The following AXL variants were observed in gnomAD, a reference collection of about 807,000 sequenced individuals.
AXL encodes AXL receptor tyrosine kinase, also known as tyrosine-protein kinase receptor UFO.
AXL carries 52 observed loss-of-function variants against 104.5 expected under a neutral mutation model. The observed-to-expected ratio is 0.50, with a 90% CI of 0.40 to 0.63. The LOEUF is 0.63. Among genes scored for constraint, AXL ranks in the 20% least tolerant of loss-of-function variants. The pLI is 0.00. For missense variants in AXL, 1,024 were observed against 1,188.5 expected (o/e 0.86, Z 2.04); for synonymous variants, 455 against 473.7 (o/e 0.96, Z 0.51).
At chr19:41,231,944 AAC>A (rs377712779) in intron 6 of AXL, among the ~76,000 whole-genome samples, 3,725 of 131,634 alleles carry the variant, frequency 0.028, 175 homozygotes, top group African/African-American at 0.11. Flanking sequence ...AAAAAGAAAC[AAC>A]AACAAAAAAA....
chr19:41,242,771 A>G, intron 10 of AXL, 112 bp from the exon 11 acceptor site: 1 of 1,324,902 alleles, frequency 7.5e-7, no homozygotes, highest in Admixed American at 1.8e-5. Flanking sequence ...CTCATCAAGT[A>G]TGTGCACATC....
chr19:41,230,949 C>T lies in AXL; in HGVS notation c.587-18C>T, dbSNP rs372829908. 4.3e-6 allele frequency: 7 copies of T among 1,612,654 alleles called. No homozygotes were observed. The African/African-American group carries it at 6.7e-5, about 15-fold the overall frequency. On this transcript the variant is annotated intron_variant, in intron 4 of 19. Transcript: ENST00000301178. ...GCCCCTCTCTGATATTGGACCCTTC[C>T]CTCATATGACTCCCTAGGGCTGAAC...
chr19:41,236,264 C>T (rs574623811), intron 6 of AXL, among the ~76,000 whole-genome samples: 2 of 145,636 alleles, frequency 1.4e-5, no homozygotes, highest in Non-Finnish European at 3.0e-5. Flanking sequence ...GCCCAGGAGG[C>T]GGAGGTTGCA....
At chr19:41,257,432 G>A (rs374729515) in intron 18 of AXL, 61 bp from the exon 19 acceptor site, 3 of 1,606,304 alleles carry the variant, frequency 1.9e-6, no homozygotes, top group Non-Finnish European at 1.7e-6. Context: ...CCATGAACCT[G>A]GGTATTGGTG....
chr19:41,235,943 T>G (rs2034071366), intron 6 of AXL, among the ~76,000 whole-genome samples: 1 of 152,230 alleles, frequency 6.6e-6, no homozygotes, highest in South Asian at 2.1e-4. Context: ...ACGCCTGTAA[T>G]CCCAGCACTT....
chr19:41,246,860 T>G (rs2034280748), intron 12 of AXL, among the ~76,000 whole-genome samples: 1 of 152,346 alleles, frequency 6.6e-6, no homozygotes, highest in South Asian at 2.1e-4. Flanking sequence ...CAGCTAGTTT[T>G]ATTTTTGAAT....
rs2122281665 is a variant in AXL at position 41,253,802 on chromosome 19, C to T, written c.2036+94C>T. 3.8e-6 allele frequency: 4 copies of T among 1,057,950 alleles called. No homozygotes were observed. In the South Asian group the frequency reaches 5.5e-5, roughly 15 times the overall value. The allele number at this position is 1,057,950 out of a possible 1,614,324, so 65.5% of individuals were successfully genotyped here. A position where few individuals can be genotyped will look rare whatever the true frequency, so the allele number is the denominator to read the frequency against. ...TTCTTAGGATGGAAGCAGGGCTAGA[C>T]ACCCGCTGAGGGCAGGTCAGAACTC... On this transcript the variant is annotated intron_variant, in intron 17 of 19. Coordinates refer to ENST00000301178, the MANE Select transcript of AXL (RefSeq NM_021913.5).
chr19:41,238,019 G>T lies in AXL; in HGVS notation c.859G>T (p.Ala287Ser). ...CCCAGAGGAGCCCCTCACCTCGCAA[G>T]CATCCGTGCCCCCCCATCAGCTTCG... ...DPPEEPLTSQ[A>S]SVPPHQLRLG... The change falls in exon 7 of 20, where the codon GCA becomes TCA. Residue 287 changes from alanine to serine, a missense_variant. This residue lies in a region of AXL where 332 missense variants were observed against 343.9 expected (regional missense o/e 0.97). Transcript: ENST00000301178. 1 of 1,613,766 alleles carries T rather than the reference G, an allele frequency of 6.2e-7. No homozygotes were observed. The highest frequency in any genetic ancestry group is 8.5e-7 in the Non-Finnish European group (1 of 1,179,944).
At chr19:41,254,376 C>T (rs76115286) in intron 17 of AXL, among the ~76,000 whole-genome samples, 6 of 81,162 alleles carry the variant, frequency 7.4e-5, no homozygotes, top group Non-Finnish European at 1.4e-4. Flanking sequence ...GACTCTGTCT[C>T]AAAAAAAAAA....
At chr19:41,221,647 G>A (rs2033792754) in intron 3 of AXL, 1 of 553,920 alleles carries the variant, frequency 1.8e-6, no homozygotes, top group Non-Finnish European at 3.2e-6. Context: ...CAGACATTCT[G>A]GAAGAGAGAC....
chr19:41,245,733 A>G (rs1048950895), intron 12 of AXL, among the ~76,000 whole-genome samples: 2 of 149,532 alleles, frequency 1.3e-5, no homozygotes, highest in Non-Finnish European at 3.0e-5. Flanking sequence ...AAAAAAAAAA[A>G]GGAATCTCAT....
chr19:41,238,389 C>T (rs2034119782), intron 7 of AXL, 81 bp from the exon 8 acceptor site: 3 of 1,567,500 alleles, frequency 1.9e-6, no homozygotes, highest in Middle Eastern at 2.3e-4. Context: ...GCCCTTGGCA[C>T]CCTGCACCCA....
At chr19:41,238,665 A>T in intron 8 of AXL, 56 bp downstream of exon 8, 1 of 1,550,652 alleles carries the variant, frequency 6.4e-7, no homozygotes, top group Non-Finnish European at 8.7e-7. Flanking sequence ...GGAGGAGAAC[A>T]TATCAGGGCA....
chr19:41,232,961 T>TTAGA (rs1359530505), intron 6 of AXL, among the ~76,000 whole-genome samples: 1 of 152,112 alleles, frequency 6.6e-6, no homozygotes, highest in Non-Finnish European at 1.5e-5. Context: ...GTCATGCTCC[T>TTAGA]AACCTCCTTA....
chr19:41,228,016 G>A (rs1434639140), intron 4 of AXL, among the ~76,000 whole-genome samples: 3 of 152,070 alleles, frequency 2.0e-5, no homozygotes, highest in African/African-American at 4.8e-5. Context: ...AGTTATATCT[G>A]GAATTTTCCA....
rs200258283 is a variant in AXL, at chr19:41,220,906, G to A, written c.308+48G>A. On this transcript the variant is annotated intron_variant, in intron 2 of 19. Coordinates refer to ENST00000301178, the MANE Select transcript of AXL (RefSeq NM_021913.5). ...CCCACTCCCACCTCCGTCACACAGA[G>A]GGCAGAAAGCCCACCTGGGTGGGAA... 7 of 1,594,698 alleles carry A rather than the reference G, an allele frequency of 4.4e-6. No homozygotes were observed. In the East Asian group the frequency reaches 9.0e-5, roughly 20 times the overall value.
At position 41,222,031 on chromosome 19, in the gene AXL, C is replaced by A. The variant is rs2033800214; in HGVS notation, c.561C>A (p.Gly187=). The A allele has an allele frequency of 1.3e-6, 2 of 1,588,618 alleles. No homozygotes were observed. The highest frequency in any genetic ancestry group is 1.1e-5 in the South Asian group (1 of 87,362). ...CCCTGGCCACGGCTCCAGGTCACGG[C>A]CCCCAGCGCAGCCTGCATGTTCCAG... The part of the protein sequence containing the change: ...AVPLATAPGH[G]PQRSLHVPGL... The change falls in exon 4 of 20, where the codon GGC becomes GGA. Residue 187 remains glycine (G), a synonymous_variant. Transcript: ENST00000301178.
In AXL at chr19:41,248,503, C is replaced by T; in HGVS notation, c.1538-11C>T. On this transcript the variant is annotated splice_polypyrimidine_tract_variant and intron_variant, in intron 12 of 19. Transcript: ENST00000301178. ...GCTCCATGACTCTGTCCACCCCAAC[C>T]TTGCATGCAGTGAACAGCCTGGGCA... The T allele has an allele frequency of 6.2e-7, 1 of 1,614,092 alleles. No individual in the cohort carries two copies. Among genetic ancestry groups the T allele is most frequent in the Non-Finnish European group, 8.5e-7 (1 of 1,179,932 alleles).
chr19:41,253,737 C>CCA, intron 17 of AXL, 29 bp downstream of exon 17: 1 of 1,252,168 alleles, frequency 8.0e-7, no homozygotes, highest in South Asian at 1.3e-5. Flanking sequence ...CCCCCCCCCC[C>CCA]CAACTGCTCC....
Sources: gnomAD v4.1 joint callset for allele counts (sites outside exome capture counted in the v4.1 genomes callset) on GRCh38, gnomAD v4.1.1 for gene constraint, gnomAD v4.1.1 regional missense constraint, MANE v1.5 for transcripts, NCBI Gene and HGNC (gene_info 2026-07-23, HGNC 2026-07-21) for gene names.